Variants in CAST observed in about 807,000 individuals in gnomAD.
The protein encoded by CAST is MIR583 host.
In CAST, 76 loss-of-function variants were observed where a neutral mutation model predicts 119.6. That is an observed-to-expected ratio of 0.64 (90% CI 0.53 to 0.77). CAST has a LOEUF of 0.77. Ranked by LOEUF, CAST falls within the 30% of genes least tolerant of loss-of-function variation. CAST has a pLI of 0.00. For synonymous variants in CAST, 319 were observed against 331.6 expected (o/e 0.96, Z 0.41); for missense variants, 953 against 946.5 (o/e 1.01, Z -0.09).
At chr5:96,445,475 C>G in the CAST span, among the ~76,000 whole-genome samples, 1 of 152,204 alleles carries the variant, frequency 6.6e-6, no homozygotes, top group Non-Finnish European at 1.5e-5. Context: ...CATAATGGTT[C>G]CCTTTTGAAT....
At position 96,671,605 on chromosome 5, in the gene CAST, G is replaced by C. The variant is rs989745729; in HGVS notation, c.76-3934G>C. On this transcript the variant is annotated intron_variant, in intron 1 of 31. Coordinates refer to ENST00000675179, the MANE Select transcript of CAST (RefSeq NM_001750.7). ...GTGGGTACTCCCTAGAGCTGCTATG[G>C]GTAGCAAAGAAGACCACATAGGAGA... 2.6e-5 allele frequency among the ~76,000 whole-genome samples: 4 copies of C among 152,148 alleles called. No individual in the cohort carries two copies. The South Asian group carries it at 8.3e-4, about 32-fold the overall frequency.
the CAST span, among the ~76,000 whole-genome samples, chr5:96,087,197 C>T: frequency 6.6e-6 from 1 of 152,194 alleles, no homozygotes; most frequent in Admixed American, 6.5e-5. Context: ...TCTAGCATAA[C>T]ATTTTGATAG....
the CAST span, among the ~76,000 whole-genome samples, chr5:96,150,923 C>T: frequency 6.6e-6 from 1 of 152,210 alleles, no homozygotes; most frequent in Non-Finnish European, 1.5e-5. Flanking sequence ...GACCTATATT[C>T]CCCTCTTCTC....
At chr5:96,760,219 C>T (rs79514172) in intron 24 of CAST, among the ~76,000 whole-genome samples, 1 of 151,616 alleles carries the variant, frequency 6.6e-6, no homozygotes, top group African/African-American at 2.4e-5. Flanking sequence ...AAATTACATA[C>T]AGCATACATA....
At chr5:95,961,530 T>A in the CAST span, 1 of 1,481,128 alleles carries the variant, frequency 6.8e-7, no homozygotes, top group Non-Finnish European at 9.0e-7. Flanking sequence ...CCGTGAGGGG[T>A]GCGCTCTGCC....
chr5:96,393,800 C>T, the CAST span, among the ~76,000 whole-genome samples: 1 of 152,302 alleles, frequency 6.6e-6, no homozygotes, highest in East Asian at 1.9e-4. Context: ...ATGGGTGTGC[C>T]TTCCTGGAGG....
At chr5:96,389,616 A>G in the CAST span, among the ~76,000 whole-genome samples, 1 of 152,152 alleles carries the variant, frequency 6.6e-6, no homozygotes, top group Non-Finnish European at 1.5e-5. Flanking sequence ...AAGAGAGAGA[A>G]GTGGGCCTGA....
chr5:96,118,090 C>A, the CAST span, among the ~76,000 whole-genome samples: 1 of 152,176 alleles, frequency 6.6e-6, no homozygotes, highest in Non-Finnish European at 1.5e-5. Context: ...GAACAGCTGA[C>A]CTTTCAAATG....
At chr5:96,353,825 C>A in the CAST span, among the ~76,000 whole-genome samples, 1 of 152,188 alleles carries the variant, frequency 6.6e-6, no homozygotes, top group Non-Finnish European at 1.5e-5. Flanking sequence ...ATCATCTCAA[C>A]CTCCATAATT....
At chr5:96,550,598 T>G (rs1159680203) in intron 1 of CAST, among the ~76,000 whole-genome samples, 2 of 152,122 alleles carry the variant, frequency 1.3e-5, no homozygotes, top group Middle Eastern at 3.2e-3. Flanking sequence ...TTCAGAAGGT[T>G]GGTAATAATA....
At chr5:96,480,540 A>G in the CAST span, among the ~76,000 whole-genome samples, 2 of 152,182 alleles carry the variant, frequency 1.3e-5, no homozygotes, top group African/African-American at 4.8e-5. Context: ...AAGGAAAATT[A>G]CTGACACTTA....
At chr5:96,758,418 T>C (rs1323621171) in intron 24 of CAST, among the ~76,000 whole-genome samples, 1 of 152,190 alleles carries the variant, frequency 6.6e-6, no homozygotes, top group East Asian at 1.9e-4. Flanking sequence ...TATGCAAATA[T>C]ATAGTGAGTC....
At chr5:96,302,555 G>A in the CAST span, among the ~76,000 whole-genome samples, 15 of 152,096 alleles carry the variant, frequency 9.9e-5, no homozygotes, top group Non-Finnish European at 2.2e-4. Context: ...CTTTGTTTAT[G>A]CAGATAAGCA....
chr5:96,361,994 C>T, the CAST span, among the ~76,000 whole-genome samples: 56 of 152,124 alleles, frequency 3.7e-4, no homozygotes, highest in South Asian at 5.6e-3. Context: ...TCCCCACACC[C>T]CACGACAGGC....
At chr5:96,557,885 A>G (rs1236590485) in intron 1 of CAST, among the ~76,000 whole-genome samples, 1 of 152,202 alleles carries the variant, frequency 6.6e-6, no homozygotes, top group Non-Finnish European at 1.5e-5. Context: ...TCTCCACCCC[A>G]AATCAACACA....
At chr5:96,292,721 A>G in the CAST span, among the ~76,000 whole-genome samples, 28 of 152,364 alleles carry the variant, frequency 1.8e-4, no homozygotes, top group Non-Finnish European at 3.1e-4. Context: ...ACAAAGTTCT[A>G]TCAGATAATG....
At chr5:96,295,773 G>T in the CAST span, among the ~76,000 whole-genome samples, 1 of 152,146 alleles carries the variant, frequency 6.6e-6, no homozygotes. Flanking sequence ...GAAGTGTCAC[G>T]TAAAGCAGAC....
the CAST span, among the ~76,000 whole-genome samples, chr5:96,021,576 G>C: frequency 6.6e-6 from 1 of 151,962 alleles, no homozygotes; most frequent in Non-Finnish European, 1.5e-5. Context: ...CTCCCAAGTA[G>C]CTGGGACTAC....
chr5:96,073,138 T>C, the CAST span, among the ~76,000 whole-genome samples: 1 of 152,236 alleles, frequency 6.6e-6, no homozygotes, highest in Non-Finnish European at 1.5e-5. Flanking sequence ...AGATAATTGC[T>C]TTACATACAC....
Sources: gnomAD v4.1 joint callset for allele counts (sites outside exome capture counted in the v4.1 genomes callset) on GRCh38, gnomAD v4.1.1 for gene constraint, MANE v1.5 for transcripts, NCBI Gene and HGNC (gene_info 2026-07-23, HGNC 2026-07-21) for gene names.